CAT: variants seen among roughly 807,000 people sequenced by gnomAD.
The protein encoded by CAT is epididymis secretory sperm binding protein.
In CAT, 43 loss-of-function variants were observed where a neutral mutation model predicts 59.0. That is an observed-to-expected ratio of 0.73 (90% CI 0.57 to 0.94). The LOEUF (loss-of-function observed/expected upper bound fraction) is 0.94, where lower values mean the gene tolerates loss of function less well. Among genes scored for constraint, CAT ranks in the 40% least tolerant of loss-of-function variants. The pLI is 0.00. For missense variants in CAT, 664 were observed against 682.9 expected (o/e 0.97, Z 0.31); for synonymous variants, 218 against 230.9 (o/e 0.94, Z 0.51).
chr11:34,442,190 A>G (rs1856398544), intron 1 of CAT, among the ~76,000 whole-genome samples: 1 of 152,236 alleles, frequency 6.6e-6, no homozygotes, highest in Non-Finnish European at 1.5e-5. Flanking sequence ...TCTTTTTAAA[A>G]ATTGAATTGC....
intron 6 of CAT, 110 bp from the exon 7 acceptor site, chr11:34,455,901 A>C: frequency 1.2e-6 from 1 of 838,256 alleles, no homozygotes; most frequent in Non-Finnish European, 2.0e-6. Context: ...GTTGTAAAGA[A>C]AGTTCATTCT....
chr11:34,450,393 T>A (rs1856510448), intron 2 of CAT, among the ~76,000 whole-genome samples: 1 of 152,156 alleles, frequency 6.6e-6, no homozygotes, highest in Non-Finnish European at 1.5e-5. Context: ...ATGGGGGTGG[T>A]ATTTGAAAGA....
At position 34,456,001 on chromosome 11, in the gene CAT, C is replaced by A; in HGVS notation, c.712-10C>A. On this transcript the variant is annotated splice_polypyrimidine_tract_variant and intron_variant, in intron 6 of 12. Coordinates refer to ENST00000241052, the MANE Select transcript of CAT (RefSeq NM_001752.4). ...AGTTTCCATTGGAGCTTCTTTCTTT[C>A]ATTTTGTAGACTGACCAGGGCATCA... The A allele has an allele frequency of 1.2e-6, 2 of 1,612,424 alleles. No homozygotes were observed. Among genetic ancestry groups the A allele is most frequent in the Non-Finnish European group, 1.7e-6 (2 of 1,179,152 alleles).
intron 10 of CAT, among the ~76,000 whole-genome samples, chr11:34,467,282 A>G (rs480496): frequency 0.58 from 88,891 of 152,124 alleles, 28,556 homozygotes; most frequent in African/African-American, 0.84. Flanking sequence ...CGATGTTTTC[A>G]CGCAATATGT....
At chr11:34,446,748 T>C (rs17883544) in intron 1 of CAT, among the ~76,000 whole-genome samples, 3,605 of 71,176 alleles carry the variant, frequency 0.051, 148 homozygotes, top group African/African-American at 0.15. Context: ...TGTCCCCCCC[T>C]TTTTTTTTTT....
rs1197618716 is a variant in CAT at position 34,453,849 on chromosome 11, A to G, written c.634A>G (p.Met212Val). 1.9e-6 allele frequency: 3 copies of G among 1,613,470 alleles called. No homozygotes were observed. Among genetic ancestry groups the G allele is most frequent in the East Asian group, 2.2e-5 (1 of 44,868 alleles). Residue 212 changes from methionine (M) to valine (V), a missense_variant, in exon 6 of 13, where the codon ATG (methionine) becomes GTG (valine). Transcript: ENST00000241052. Reference sequence around the variant, plus strand: ...GGGGATTCCAGATGGACATCGCCACATGAATGGATATGGATCACATACTTT... The same window carrying G: ...GGGGATTCCAGATGGACATCGCCACGTGAATGGATATGGATCACATACTTT... ...DRGIPDGHRH[M>V]NGYGSHTFKL...
At position 34,456,190 on chromosome 11, in the gene CAT, C is replaced by T. The variant is rs373984976; in HGVS notation, c.891C>T (p.Phe297=). 136 of 1,612,948 alleles carry T rather than the reference C, an allele frequency of 8.4e-5. 1 individual carries two copies. Among genetic ancestry groups the T allele is most frequent in the Middle Eastern group, 3.3e-4 (2 of 6,082 alleles). ...NQAETFPFNP[F]DLTKVWPHKD... is the part of the protein sequence containing the mutation. Reference sequence around the variant, plus strand: ...CAGAAACTTTTCCATTTAATCCATTCGATCTCACCAAGGTGAGTCAGTAAA... The same window carrying T: ...CAGAAACTTTTCCATTTAATCCATTTGATCTCACCAAGGTGAGTCAGTAAA... Residue 297 remains phenylalanine (F), a synonymous_variant, in exon 7 of 13, where the codon TTC becomes TTT. Transcript: ENST00000241052.
chr11:34,471,381 C>T lies in CAT; in HGVS notation c.1532C>T (p.Thr511Ile). 2 of 1,613,934 alleles carry T rather than the reference C, an allele frequency of 1.2e-6. No individual in the cohort carries two copies. Among genetic ancestry groups the T allele is most frequent in the Non-Finnish European group, 8.5e-7 (1 of 1,179,808 alleles). Residue 511 changes from threonine (T) to isoleucine (I), a missense_variant, in exon 13 of 13, where the codon ACC becomes ATC. Coordinates refer to ENST00000241052, the MANE Select transcript of CAT (RefSeq NM_001752.4). Reference sequence around the variant, plus strand: ...CTTTTAAAACAGAATGCGATTCACACCTTTGTGCAGTCCGGATCTCACTTG... The same window carrying T: ...CTTTTAAAACAGAATGCGATTCACATCTTTGTGCAGTCCGGATCTCACTTG... ...NAEKPKNAIH[T>I]FVQSGSHLAA... is the part of the protein sequence containing the mutation.
Position 34,456,154 on chromosome 11 carries a change from A to ATT in CAT, c.857_858dup (p.Asn287LeufsTer33). The ATT allele has an allele frequency of 6.2e-7, 1 of 1,614,126 alleles. No homozygotes were observed. The highest frequency in any genetic ancestry group is 2.2e-5 in the East Asian group (1 of 44,874). On this transcript the variant is annotated frameshift_variant, in exon 7 of 13. Coordinates refer to ENST00000241052, the MANE Select transcript of CAT (RefSeq NM_001752.4). LOFTEE classifies it high-confidence loss of function. ...GGACTTTTTACATCCAGGTCATGAC[A>ATT]TTTAATCAGGCAGAAACTTTTCCAT...
intron 4 of CAT, 40 bp downstream of exon 4, chr11:34,452,247 G>C (rs1263964286): frequency 2.5e-6 from 4 of 1,595,164 alleles, no homozygotes; most frequent in Non-Finnish European, 3.4e-6. Flanking sequence ...AATGTTTGTT[G>C]ACTTAAATTG....
intron 11 of CAT, among the ~76,000 whole-genome samples, chr11:34,470,189 A>C (rs1039098014): frequency 6.6e-6 from 1 of 152,136 alleles, no homozygotes; most frequent in Non-Finnish European, 1.5e-5. Context: ...CTCAGGTTTG[A>C]TAATTTGCTG....
chr11:34,461,358 TGACGGCCCGATGTGCATGCAG>T lies in CAT; in HGVS notation c.1168_1188del (p.Gly390_Asp396del). 6.2e-7 allele frequency: 1 copy of T among 1,614,230 alleles called. No individual in the cohort carries two copies. The highest frequency in any genetic ancestry group is 1.6e-4 in the Middle Eastern group (1 of 6,062). On this transcript the variant is annotated inframe_deletion, in exon 9 of 13. Coordinates refer to ENST00000241052, the MANE Select transcript of CAT (RefSeq NM_001752.4). ...GTGCTCGAGTGGCCAACTACCAGCG[TGACGGCCCGATGTGCATGCAG>T]GACAATCAGGGTAGGCCTAAAGACG...
At chr11:34,457,019 C>G (rs536853105) in intron 8 of CAT, 2 of 597,320 alleles carry the variant, frequency 3.3e-6, no homozygotes, top group Non-Finnish European at 5.9e-6. Flanking sequence ...CAAGTATAAA[C>G]AAAAGTCCAT....
At chr11:34,444,331 A>C (rs1375676296) in intron 1 of CAT, among the ~76,000 whole-genome samples, 3 of 152,220 alleles carry the variant, frequency 2.0e-5, no homozygotes, top group African/African-American at 4.8e-5. Flanking sequence ...ACAAGGAATA[A>C]TAGATAAACT....
intron 8 of CAT, 174 bp from the exon 9 acceptor site, chr11:34,461,077 A>G (rs1056530612): frequency 2.0e-5 from 15 of 751,774 alleles, no homozygotes; most frequent in Non-Finnish European, 9.6e-6. Flanking sequence ...TCAGTTAGGG[A>G]GAACTCGTTT....
Position 34,463,180 on chromosome 11 carries a change from C to T in CAT, c.1196-925C>T, listed in dbSNP as rs954804070. On this transcript the variant is annotated intron_variant, in intron 9 of 12. Transcript: ENST00000241052. ...CACTCCTGTTTAGGCAGTGTGTGCT[C>T]GGGTAATGAAAGCTTCTGCTAATGT... Among the ~76,000 whole-genome samples the T allele has an allele frequency of 6.6e-5, 10 of 152,108 alleles. No individual in the cohort carries two copies. In the East Asian group the frequency reaches 9.7e-4, roughly 15 times the overall value.
At chr11:34,466,800 A>AAAAAAAAAAAT in intron 10 of CAT, among the ~76,000 whole-genome samples, 1 of 150,222 alleles carries the variant, frequency 6.7e-6, no homozygotes, top group African/African-American at 2.4e-5. Flanking sequence ...AAAAAAAAAA[A>AAAAAAAAAAAT]AAAAGAAAAT....
chr11:34,463,287 T>C (rs1856672892), intron 9 of CAT, among the ~76,000 whole-genome samples: 1 of 152,176 alleles, frequency 6.6e-6, no homozygotes, highest in South Asian at 2.1e-4. Flanking sequence ...ATAGAAAATA[T>C]TTTGATTGTA....
chr11:34,448,758 A>T (rs1856487984), intron 1 of CAT, among the ~76,000 whole-genome samples: 1 of 152,138 alleles, frequency 6.6e-6, no homozygotes, highest in Non-Finnish European at 1.5e-5. Context: ...TGGCAGTAAT[A>T]AAGCGTTTGT....
Sources: allele counts gnomAD v4.1 joint callset (sites outside exome capture counted in the v4.1 genomes callset), GRCh38; gene constraint gnomAD v4.1.1; transcripts MANE v1.5; gene names NCBI Gene and HGNC (gene_info 2026-07-23, HGNC 2026-07-21).